Variants in PCDHA9 observed in about 807,000 individuals in gnomAD.
PCDHA9 encodes protocadherin alpha-9.
In PCDHA9, 62 loss-of-function variants were observed where a neutral mutation model predicts 62.0. That is an observed-to-expected ratio of 1.00 (90% CI 0.81 to 1.23). PCDHA9 has a LOEUF of 1.23. PCDHA9 is among the 50% of genes most tolerant of loss of function. The probability of loss-of-function intolerance (pLI) is 0.00; values close to 1 mark genes in which losing one functional copy is unlikely to be tolerated. For synonymous variants in PCDHA9, 557 were observed against 567.6 expected, an observed-to-expected ratio of 0.98 and a Z score of 0.27; for missense variants, 1,205 against 1,249.8, an observed-to-expected ratio of 0.96 and a Z score of 0.54.
chr5:140,993,526 A>G (rs1554253825), intron 3 of PCDHA9, among the ~76,000 whole-genome samples: 1 of 147,824 alleles, frequency 6.8e-6, no homozygotes, highest in Admixed American at 6.7e-5. Flanking sequence ...AGAGAGACAG[A>G]GAGAGAGAGA....
chr5:140,982,789 G>A (rs894929116), intron 3 of PCDHA9, among the ~76,000 whole-genome samples: 3 of 151,400 alleles, frequency 2.0e-5, no homozygotes, highest in Admixed American at 6.5e-5. Context: ...GTGCACGCAT[G>A]TGTGCATGTG....
At chr5:140,961,997 C>T (rs1160116142) in intron 1 of PCDHA9, among the ~76,000 whole-genome samples, 1 of 152,080 alleles carries the variant, frequency 6.6e-6, no homozygotes, top group South Asian at 2.1e-4. Context: ...CATTGTCCTG[C>T]CTCAGCTTCC....
intron 3 of PCDHA9, among the ~76,000 whole-genome samples, chr5:141,005,862 G>A (rs376850991): frequency 6.6e-6 from 1 of 152,012 alleles, no homozygotes; most frequent in Non-Finnish European, 1.5e-5. Flanking sequence ...CAGGAGGGTC[G>A]ATTGAGTCCA....
At chr5:141,006,423 C>T (rs1554260738) in intron 3 of PCDHA9, among the ~76,000 whole-genome samples, 1 of 152,060 alleles carries the variant, frequency 6.6e-6, no homozygotes, top group African/African-American at 2.4e-5. Context: ...CTGTGTTAGC[C>T]AGGATGGTCT....
In PCDHA9 at chr5:140,869,551, T is replaced by A. The variant is rs570153514; in HGVS notation, c.2394+18662T>A. On this transcript the variant is annotated intron_variant, in intron 1 of 3. Coordinates refer to ENST00000532602, the MANE Select transcript of PCDHA9 (RefSeq NM_031857.2). ...GATTGCGGAATCTAAGCAATCGGAC[T>A]CGCGTTTTCCACTAGAGGGAGCTTC... 3.1e-6 allele frequency: 5 copies of A among 1,614,218 alleles called. No individual in the cohort carries two copies. The East Asian group carries it at 6.7e-5, about 22-fold the overall frequency.
chr5:140,888,802 AGTGATCT>A (rs1418023292), intron 1 of PCDHA9, among the ~76,000 whole-genome samples: 2 of 152,088 alleles, frequency 1.3e-5, no homozygotes, highest in African/African-American at 4.8e-5. Flanking sequence ...GAGGTTGATC[AGTGATCT>A]GTGATCTGTG....
intron 1 of PCDHA9, chr5:140,966,703 G>A: frequency 1.5e-6 from 2 of 1,376,398 alleles, no homozygotes; most frequent in Non-Finnish European, 1.9e-6. Flanking sequence ...CCCGGGCGTG[G>A]GGCACGGCTG....
chr5:140,972,213 C>T (rs1312530794), intron 1 of PCDHA9, among the ~76,000 whole-genome samples: 3 of 151,932 alleles, frequency 2.0e-5, no homozygotes, highest in African/African-American at 7.3e-5. Flanking sequence ...GAATATGGCT[C>T]ACTGCAGCCT....
At chr5:140,927,094 G>C (rs555838945) in intron 1 of PCDHA9, 4 of 1,612,890 alleles carry the variant, frequency 2.5e-6, no homozygotes. Context: ...CTACTTCGGG[G>C]TGGATCTACC....
chr5:140,951,520 A>G (rs904780831), intron 1 of PCDHA9, among the ~76,000 whole-genome samples: 6 of 151,972 alleles, frequency 3.9e-5, no homozygotes, highest in Admixed American at 2.0e-4. Context: ...CTCATCTTAC[A>G]TGGCCGGTGC....
chr5:140,870,528 A>T, intron 1 of PCDHA9: 11 of 1,614,214 alleles, frequency 6.8e-6, no homozygotes, highest in Non-Finnish European at 7.6e-6. Context: ...ACATCTTCAC[A>T]GTGTCGGCGC....
At chr5:140,875,588 C>T in intron 1 of PCDHA9, 1 of 1,613,954 alleles carries the variant, frequency 6.2e-7, no homozygotes, top group Non-Finnish European at 8.5e-7. Flanking sequence ...TACGAGGAGG[C>T]CAAACACGGC....
At chr5:140,870,014 A>G (rs782103858) in intron 1 of PCDHA9, 3 of 1,613,612 alleles carry the variant, frequency 1.9e-6, no homozygotes, top group Non-Finnish European at 2.5e-6. Flanking sequence ...GTGAGGGTCA[A>G]TGGAACTTTA....
intron 1 of PCDHA9, chr5:140,858,421 G>A (rs782781172): frequency 1.3e-6 from 2 of 1,557,082 alleles, no homozygotes; most frequent in Non-Finnish European, 1.7e-6. Flanking sequence ...CTATTGGAGG[G>A]GACCACTCTA....
intron 1 of PCDHA9, among the ~76,000 whole-genome samples, chr5:140,891,443 T>C (rs1181273099): frequency 6.7e-6 from 1 of 148,474 alleles, no homozygotes; most frequent in Non-Finnish European, 1.5e-5. Flanking sequence ...GTCCATTGTA[T>C]AGGATTTTTG....
chr5:140,885,290 A>G (rs1344746797), intron 1 of PCDHA9, among the ~76,000 whole-genome samples: 2 of 152,190 alleles, frequency 1.3e-5, no homozygotes, highest in African/African-American at 4.8e-5. Context: ...ATATATAGAG[A>G]GAGACCTGGT....
At position 140,848,447 on chromosome 5, in the gene PCDHA9, CT is replaced by C; in HGVS notation, c.-48del. On this transcript the variant is annotated 5_prime_UTR_variant, in exon 1 of 4. The change abolishes the stop of an existing upstream ORF in the 5' untranslated region. Transcript: ENST00000532602. ...GACTGACGAAATCAGATGATTTCTT[CT>C]AATTTGGAGGCAATTTTCACTAATT... The C allele has an allele frequency of 2.7e-6, 4 of 1,507,352 alleles. 1 individual carries two copies. The highest frequency in any genetic ancestry group is 9.0e-7 in the Non-Finnish European group (1 of 1,107,456). 93.4% of individuals were successfully genotyped at this position (1,507,352 alleles called of 1,614,324 possible).
At chr5:140,851,235 T>C (rs2041998909) in intron 1 of PCDHA9, 4 of 1,129,042 alleles carry the variant, frequency 3.5e-6, no homozygotes, top group Non-Finnish European at 4.5e-6. Flanking sequence ...CATTTATTTA[T>C]TGCTAAATGA....
At chr5:140,872,910 T>C (rs2053978401) in intron 1 of PCDHA9, among the ~76,000 whole-genome samples, 2 of 152,232 alleles carry the variant, frequency 1.3e-5, no homozygotes, top group African/African-American at 4.8e-5. Context: ...CTCTATCTTG[T>C]AATGCCTTAT....
Sources: gnomAD v4.1 joint callset for allele counts (sites outside exome capture counted in the v4.1 genomes callset) on GRCh38, gnomAD v4.1.1 for gene constraint, MANE v1.5 for transcripts, NCBI Gene and HGNC (gene_info 2026-07-23, HGNC 2026-07-21) for gene names.